Variants in WDR47 observed in about 807,000 individuals in gnomAD.
The protein encoded by WDR47 is WD repeat-containing protein 47.
A neutral mutation model predicts 97.2 loss-of-function variants in WDR47; 32 were observed. That is an observed-to-expected ratio of 0.33 (90% CI 0.25 to 0.44). WDR47 has a LOEUF of 0.44. Ranked by LOEUF, WDR47 falls within the 20% of genes least tolerant of loss-of-function variation. The pLI, the probability that WDR47 is intolerant of heterozygous loss-of-function variation, is 1.00. For synonymous variants in WDR47, 375 were observed against 373.5 expected (o/e 1.00, Z -0.05); for missense variants, 782 against 1,102.3 (o/e 0.71, Z 4.11).
intron 4 of WDR47, among the ~76,000 whole-genome samples, chr1:109,013,166 A>G (rs1219977328): frequency 2.0e-5 from 3 of 152,202 alleles, no homozygotes; most frequent in Non-Finnish European, 4.4e-5. Context: ...ACCAGAGCAC[A>G]GGCCCTCACC....
intron 13 of WDR47, among the ~76,000 whole-genome samples, chr1:108,979,839 T>G (rs950401086): frequency 6.6e-6 from 1 of 152,194 alleles, no homozygotes; most frequent in Non-Finnish European, 1.5e-5. Context: ...ATTGAATTGC[T>G]TGATTTCTTA....
chr1:108,988,870 G>T (rs1425111983), intron 9 of WDR47, among the ~76,000 whole-genome samples: 6 of 151,820 alleles, frequency 4.0e-5, no homozygotes, highest in African/African-American at 1.5e-4. Flanking sequence ...CGATTCTCCT[G>T]CCTCAGCCTC....
Position 109,013,944 on chromosome 1 carries a change from G to T in WDR47, c.243-19C>A, listed in dbSNP as rs1377728891. ...ACGAAACCTGTGGGAAAAAAATGAA[G>T]CATTAATTTTTCCAATGTCTGATGT... On this transcript the variant is annotated intron_variant, in intron 3 of 14. Coordinates refer to ENST00000369962, the MANE Select transcript of WDR47 (RefSeq NM_001142551.2). 6.4e-7 allele frequency: 1 copy of T among 1,574,082 alleles called. No homozygotes were observed. The highest frequency in any genetic ancestry group is 8.7e-7 in the Non-Finnish European group (1 of 1,153,056).
At chr1:109,004,213 C>T (rs1441842657) in intron 6 of WDR47, among the ~76,000 whole-genome samples, 4 of 150,806 alleles carry the variant, frequency 2.7e-5, no homozygotes, top group East Asian at 2.0e-4. Context: ...TGCAGTGAGC[C>T]GAGATCGCAC....
chr1:108,997,591 C>T (rs1557932499), intron 7 of WDR47, among the ~76,000 whole-genome samples: 1 of 151,240 alleles, frequency 6.6e-6, no homozygotes, highest in Non-Finnish European at 1.5e-5. Flanking sequence ...CCCGTCTCTA[C>T]TAAAAATACA....
In WDR47 at chr1:109,017,503, T is replaced by G. The variant is rs144823991; in HGVS notation, c.242+15A>C. On this transcript the variant is annotated intron_variant, in intron 3 of 14. Coordinates refer to ENST00000369962, the MANE Select transcript of WDR47 (RefSeq NM_001142551.2). Reference sequence around the variant, plus strand: ...ACCAATGATGAGACACTAAAAACTTTAGATAAAATCTTACCTTTTTTTGTC... The same window carrying G: ...ACCAATGATGAGACACTAAAAACTTGAGATAAAATCTTACCTTTTTTTGTC... 2.5e-6 allele frequency: 4 copies of G among 1,597,526 alleles called. No individual in the cohort carries two copies. The highest frequency in any genetic ancestry group is 1.8e-5 in the Admixed American group (1 of 55,832).
intron 2 of WDR47, 33 bp downstream of exon 2, chr1:109,023,322 A>G (rs780786138): frequency 8.8e-6 from 14 of 1,593,522 alleles, no homozygotes; most frequent in South Asian, 1.1e-5. Flanking sequence ...TCTTCGAAGG[A>G]GCTACAAACT....
chr1:109,031,040 A>C (rs1325355637), intron 1 of WDR47, among the ~76,000 whole-genome samples: 1 of 140,172 alleles, frequency 7.1e-6, no homozygotes, highest in Non-Finnish European at 1.6e-5. Flanking sequence ...AACATCAAGA[A>C]TATATAGAAA....
rs144990719 is a variant in WDR47 at position 108,981,514 on chromosome 1, T to C, written c.2398+219A>G. Among the ~76,000 whole-genome samples, 362 of 152,318 alleles carry C rather than the reference T, an allele frequency of 2.4e-3. 3 individuals carry two copies. The highest frequency in any genetic ancestry group is 8.2e-3 in the African/African-American group (342 of 41,574). On this transcript the variant is annotated intron_variant, in intron 13 of 14. Coordinates refer to ENST00000369962, the MANE Select transcript of WDR47 (RefSeq NM_001142551.2). ...CCTGCTAACAGACAATCTGGGACAT[T>C]ATATTTAATCTCCCTGGGCCTTGGT...
At chr1:108,973,693 G>A (rs983640649) in intron 14 of WDR47, among the ~76,000 whole-genome samples, 2 of 152,122 alleles carry the variant, frequency 1.3e-5, no homozygotes, top group Non-Finnish European at 2.9e-5. Context: ...ACCAGCCTGG[G>A]CAACATGGCA....
At chr1:109,038,832 T>G (rs1663137276) in intron 1 of WDR47, among the ~76,000 whole-genome samples, 1 of 151,482 alleles carries the variant, frequency 6.6e-6, no homozygotes, top group Non-Finnish European at 1.5e-5. Flanking sequence ...CAAAAATTAG[T>G]CAAGTGTGGG....
intron 8 of WDR47, chr1:108,992,420 T>C (rs917054626): frequency 3.1e-6 from 5 of 1,603,818 alleles, no homozygotes; most frequent in African/African-American, 2.7e-5. Flanking sequence ...AGCCACGAAG[T>C]ATCTGAAAGA....
chr1:109,028,386 T>TTTTTTG (rs1662375102), intron 1 of WDR47, among the ~76,000 whole-genome samples: 1 of 146,240 alleles, frequency 6.8e-6, no homozygotes, highest in African/African-American at 2.5e-5. Context: ...TTTTTTTTTG[T>TTTTTTG]AGAGATTGGG....
intron 13 of WDR47, among the ~76,000 whole-genome samples, chr1:108,975,419 G>A (rs1299696457): frequency 2.0e-5 from 3 of 151,838 alleles, no homozygotes; most frequent in Admixed American, 6.6e-5. Context: ...TCAGGAGATC[G>A]AGACCAGCCT....
chr1:109,038,027 T>A (rs994371787), intron 1 of WDR47, among the ~76,000 whole-genome samples: 2 of 151,870 alleles, frequency 1.3e-5, no homozygotes, highest in East Asian at 3.9e-4. Flanking sequence ...TTTGTAGACA[T>A]GAGGTCTCAC....
intron 14 of WDR47, among the ~76,000 whole-genome samples, chr1:108,974,208 G>A (rs1423180282): frequency 6.6e-6 from 1 of 152,008 alleles, no homozygotes; most frequent in Non-Finnish European, 1.5e-5. Context: ...AACAAAAACA[G>A]GCTGGGCGTG....
At chr1:109,036,541 A>AG (rs1163173115) in intron 1 of WDR47, among the ~76,000 whole-genome samples, 45 of 151,086 alleles carry the variant, frequency 3.0e-4, no homozygotes, top group Non-Finnish European at 5.9e-4. Context: ...TCTCAAAAAA[A>AG]AAAAAAAAAC....
At chr1:109,014,280 AT>A (rs1212971379) in intron 3 of WDR47, among the ~76,000 whole-genome samples, 1 of 152,122 alleles carries the variant, frequency 6.6e-6, no homozygotes, top group African/African-American at 2.4e-5. Flanking sequence ...GGTATGTTAC[AT>A]TTTTAAATAC....
chr1:108,982,668 T>C lies in WDR47; in HGVS notation c.2207A>G (p.Asn736Ser). Residue 736 changes from asparagine (N) to serine (S), a missense_variant, in exon 12 of 15, where the codon AAC becomes AGC. This residue lies in a region of WDR47 where 228 missense variants were observed against 396.7 expected (regional missense o/e 0.57). Coordinates refer to ENST00000369962, the MANE Select transcript of WDR47 (RefSeq NM_001142551.2). The stretch of plus-strand genomic sequence containing the variant: ...TCTTTGACAATCGGTTGTATAAATG[T>C]TACAATCCCCTGCTCCAGCACTTAT... ...ILISAGAGDC[N>S]IYTTDCQRGQ... 1 of 1,613,940 alleles carries C rather than the reference T, an allele frequency of 6.2e-7. No individual in the cohort carries two copies. Among genetic ancestry groups the C allele is most frequent in the Non-Finnish European group, 8.5e-7 (1 of 1,179,972 alleles).
Sources: allele counts gnomAD v4.1 joint callset (sites outside exome capture counted in the v4.1 genomes callset), GRCh38; gene constraint gnomAD v4.1.1; regional missense constraint gnomAD v4.1.1; transcripts MANE v1.5; gene names NCBI Gene and HGNC (gene_info 2026-07-23, HGNC 2026-07-21).